EEF1D: variants seen among roughly 807,000 people sequenced by gnomAD.
EEF1D encodes the protein elongation factor 1-delta.
In EEF1D, 47 loss-of-function variants were observed where a neutral mutation model predicts 63.9. The observed-to-expected ratio is 0.74, with a 90% confidence interval of 0.58 to 0.94. The LOEUF is 0.94. Ranked by LOEUF, EEF1D falls within the 40% of genes least tolerant of loss-of-function variation. EEF1D has a pLI of 0.00. For missense variants in EEF1D, 907 were observed against 899.0 expected, an observed-to-expected ratio of 1.01 and a Z score of -0.11; for synonymous variants, 412 against 386.1, an observed-to-expected ratio of 1.07 and a Z score of -0.79.
chr8:143,590,169 CGCCCTCCCCGTGGCT>C (rs755529718), intron 2 of EEF1D, 88 bp from the exon 3 acceptor site: 35 of 1,565,218 alleles, frequency 2.2e-5, no homozygotes, highest in Admixed American at 5.3e-5. Flanking sequence ...TCCCCGTGCC[CGCCCTCCCCGTGGCT>C]GCCCTCCCTG....
intron 1 of EEF1D, among the ~76,000 whole-genome samples, chr8:143,595,594 T>A (rs1828662088): frequency 6.6e-6 from 1 of 152,196 alleles, no homozygotes; most frequent in African/African-American, 2.4e-5. Flanking sequence ...CCAGCCCCAC[T>A]GGGAAACGCC....
chr8:143,596,518 G>C (rs2131344781), intron 1 of EEF1D: 1 of 152,478 alleles, frequency 6.6e-6, no homozygotes, highest in East Asian at 1.9e-4. Flanking sequence ...GGTGGGCGGA[G>C]CTGTAGAAGG....
intron 5 of EEF1D, chr8:143,583,587 C>T (rs889245919): frequency 1.3e-5 from 2 of 152,268 alleles, no homozygotes; most frequent in Non-Finnish European, 2.9e-5. Flanking sequence ...GTGGGCAGAA[C>T]GCAAGGCACA....
At position 143,580,676 on chromosome 8, in the gene EEF1D, G is replaced by C. The variant is rs758056042; in HGVS notation, c.1540C>G (p.Pro514Ala). ...TCATCATCCTCGTCATCCTCTGCTG[G>C]TGTGGCTGGCTTCTTGGCTGGGGGC... ...VEPPAKKPAT[P>A]AEDDEDDDID... The change falls in exon 8 of 10, where the codon CCA becomes GCA. Residue 514 changes from proline to alanine, a missense_variant. By Grantham distance (27) the Pro-to-Ala change is conservative (BLOSUM62 -1). Coordinates refer to ENST00000618139, the MANE Select transcript of EEF1D (RefSeq NM_001130053.5). 6.2e-7 allele frequency: 1 copy of C among 1,613,942 alleles called. No homozygotes were observed. Among genetic ancestry groups the C allele is most frequent in the East Asian group, 2.2e-5 (1 of 44,888 alleles).
chr8:143,595,133 G>A (rs538049362), intron 1 of EEF1D, among the ~76,000 whole-genome samples: 38 of 152,244 alleles, frequency 2.5e-4, no homozygotes, highest in South Asian at 8.3e-4. Flanking sequence ...GCAGTGGTAC[G>A]ATCTCAGCTC....
intron 7 of EEF1D, 152 bp from the exon 8 acceptor site, chr8:143,580,879 G>A (rs553214665): frequency 3.5e-6 from 4 of 1,140,410 alleles, no homozygotes; most frequent in Non-Finnish European, 3.8e-6. Context: ...CCCCAGGAAA[G>A]ACAAAAACTG....
intron 2 of EEF1D, among the ~76,000 whole-genome samples, chr8:143,591,292 C>T (rs1453341062): frequency 1.3e-5 from 2 of 152,250 alleles, no homozygotes; most frequent in African/African-American, 4.8e-5. Flanking sequence ...AGCCTCCTCC[C>T]TGGATGAGGT....
chr8:143,583,190 A>G (rs1825890865), intron 5 of EEF1D: 1 of 152,270 alleles, frequency 6.6e-6, no homozygotes, highest in East Asian at 1.9e-4. Flanking sequence ...GTGTGAAGAC[A>G]TGGAGAAGAC....
intron 7 of EEF1D, 29 bp from the exon 8 acceptor site, chr8:143,580,756 G>A (rs751183585): frequency 2.7e-5 from 44 of 1,608,052 alleles, no homozygotes; most frequent in African/African-American, 1.9e-4. Context: ...CAGGAGGCAC[G>A]GCTGAGACGC....
At chr8:143,580,328 GA>G in intron 8 of EEF1D, 122 bp from the exon 9 acceptor site, 1 of 1,279,440 alleles carries the variant, frequency 7.8e-7, no homozygotes, top group Non-Finnish European at 1.1e-6. Context: ...AGGGCCCACA[GA>G]AAACAATCCA....
At chr8:143,581,208 C>T in intron 6 of EEF1D, 21 bp downstream of exon 6, 3 of 1,612,674 alleles carry the variant, frequency 1.9e-6, no homozygotes, top group South Asian at 1.1e-5. Context: ...ACAGCCCCAA[C>T]CCACTGGCCC....
intron 1 of EEF1D, among the ~76,000 whole-genome samples, chr8:143,595,829 A>C (rs1828710641): frequency 6.6e-6 from 1 of 152,094 alleles, no homozygotes; most frequent in African/African-American, 2.4e-5. Flanking sequence ...GACAATACCC[A>C]CGCCACACCT....
Position 143,580,214 on chromosome 8 carries a change from G to GA in EEF1D, c.1711-9dup, listed in dbSNP as rs757592791. On this transcript the variant is annotated splice_polypyrimidine_tract_variant and intron_variant, in intron 8 of 9. Transcript: ENST00000618139. Reference sequence around the variant, plus strand: ...GTCCGTCTCATCATCCCACTGTGGGGAAAGGGGAGGAAAAGCTGGGGTCAG... The same window carrying GA: ...GTCCGTCTCATCATCCCACTGTGGGGAAAAGGGGAGGAAAAGCTGGGGTCAG... 2 of 1,610,402 alleles carry GA rather than the reference G, an allele frequency of 1.2e-6. No individual in the cohort carries two copies. The highest frequency in any genetic ancestry group is 1.7e-6 in the Non-Finnish European group (2 of 1,177,694).
rs148582744 is a variant in EEF1D, at chr8:143,589,025, G to A, written c.1057C>T (p.Arg353Trp). 1.0e-4 allele frequency: 167 copies of A among 1,601,248 alleles called. No homozygotes were observed. The African/African-American group carries it at 1.7e-3, about 16-fold the overall frequency. Residue 353 changes from arginine (R) to tryptophan (W), a missense_variant, in exon 3 of 10, where the codon CGG becomes TGG. By Grantham distance (101) the Arg-to-Trp change is moderately radical (BLOSUM62 -3). Coordinates refer to ENST00000618139, the MANE Select transcript of EEF1D (RefSeq NM_001130053.5). ...AASLSHRPGPRSGLSVSSLRP... is the reference protein window; with the variant it reads ...AASLSHRPGPWSGLSVSSLRP... ...AGGCTGGACACGGACAGGCCAGACC[G>A]AGGACCGGGTCGGTGAGACAGGGAG...
chr8:143,591,039 G>A (rs574041511), intron 2 of EEF1D: 2 of 152,542 alleles, frequency 1.3e-5, no homozygotes, highest in African/African-American at 4.8e-5. Flanking sequence ...GTAGAAAGGA[G>A]GGGCCAAGCG....
At chr8:143,590,225 C>A (rs1402998026) in intron 2 of EEF1D, 144 bp from the exon 3 acceptor site, 1 of 977,430 alleles carries the variant, frequency 1.0e-6, no homozygotes. Flanking sequence ...CCCAGTGGGG[C>A]TTCCATGAGA....
At position 143,589,927 on chromosome 8, in the gene EEF1D, G is replaced by T; in HGVS notation, c.155C>A (p.Pro52His). 6.2e-7 allele frequency: 1 copy of T among 1,600,132 alleles called. No homozygotes were observed. Among genetic ancestry groups the T allele is most frequent in the Non-Finnish European group, 8.5e-7 (1 of 1,178,450 alleles). ...AGCGTCCTCAGGGTCGTCCTGGCCGGGCCCATTCATGGCTGGCCCCTCGGC... is the reference window on the plus strand; with the variant it reads ...AGCGTCCTCAGGGTCGTCCTGGCCGTGCCCATTCATGGCTGGCCCCTCGGC... ...LPAEGPAMNG[P>H]GQDDPEDADE... is the part of the protein sequence containing the mutation. Residue 52 changes from proline to histidine, a missense_variant, in exon 3 of 10, where the codon CCC becomes CAC. Pro to His is a moderately conservative substitution (Grantham distance 77). Coordinates refer to ENST00000618139, the MANE Select transcript of EEF1D (RefSeq NM_001130053.5).
chr8:143,593,860 CA>C, intron 1 of EEF1D: 1 of 985,440 alleles, frequency 1.0e-6, no homozygotes, highest in Non-Finnish European at 1.2e-6. Context: ...CCCGCATTCC[CA>C]AGCATGGGAG....
intron 1 of EEF1D, 51 bp downstream of exon 1, chr8:143,597,297 C>T (rs1829011540): frequency 6.6e-6 from 1 of 152,194 alleles, no homozygotes; most frequent in African/African-American, 2.4e-5. Flanking sequence ...CCCGGCCCCT[C>T]GGGCGTCTCT....
Sources: gnomAD v4.1 joint callset for allele counts (sites outside exome capture counted in the v4.1 genomes callset) on GRCh38, gnomAD v4.1.1 for gene constraint, MANE v1.5 for transcripts, NCBI Gene and HGNC (gene_info 2026-07-23, HGNC 2026-07-21) for gene names.